Variants in CAMK1D observed in about 807,000 individuals in gnomAD.
The protein encoded by CAMK1D is calcium/calmodulin dependent protein kinase ID.
CAMK1D carries 9 observed loss-of-function variants against 47.7 expected under a neutral mutation model. That is an observed-to-expected ratio of 0.19 (90% confidence interval 0.11 to 0.33). CAMK1D has a LOEUF of 0.33. CAMK1D is among the 10% of genes least tolerant of loss of function. CAMK1D has a pLI of 1.00. For missense variants in CAMK1D, 291 were observed against 488.7 expected (o/e 0.60, Z 3.81); for synonymous variants, 184 against 184.9 (o/e 0.99, Z 0.04).
chr10:12,565,368 C>T, intron 2 of CAMK1D, among the ~76,000 whole-genome samples: 1 of 152,232 alleles, frequency 6.6e-6, no homozygotes, highest in Non-Finnish European at 1.5e-5. Flanking sequence ...ATTCTCCTGC[C>T]TCAGCCTCCC....
chr10:12,622,825 C>G (rs1358075807), intron 2 of CAMK1D, among the ~76,000 whole-genome samples: 1 of 151,898 alleles, frequency 6.6e-6, no homozygotes, highest in Non-Finnish European at 1.5e-5. Context: ...CCTGAAATAG[C>G]CTGAGTAGAG....
chr10:12,696,577 C>A (rs568609827), intron 3 of CAMK1D, among the ~76,000 whole-genome samples: 1 of 152,116 alleles, frequency 6.6e-6, no homozygotes, highest in Admixed American at 6.6e-5. Context: ...TCCCAAGACT[C>A]GGAATGCTTT....
At chr10:12,604,443 C>T (rs947750304) in intron 2 of CAMK1D, among the ~76,000 whole-genome samples, 3 of 152,116 alleles carry the variant, frequency 2.0e-5, no homozygotes, top group Admixed American at 6.5e-5. Context: ...AGTGTTTGGC[C>T]GTGTTGGCCC....
rs146403154 is a variant in CAMK1D, at chr10:12,666,536, A to G, written c.225-200A>G. Among the ~76,000 whole-genome samples, 204 of 152,322 alleles carry G rather than the reference A, an allele frequency of 1.3e-3. 1 individual carries two copies. Among genetic ancestry groups the G allele is most frequent in the Middle Eastern group, 6.8e-3 (2 of 294 alleles). On this transcript the variant is annotated intron_variant, in intron 2 of 10. Transcript: ENST00000619168. ...AACTGTAGGGTATTGAGCCTTAGGA[A>G]CGAAGAGGAATGGAGATCAGGGAAG... is the stretch of plus-strand genomic sequence containing the variant.
At chr10:12,562,255 C>T (rs1019544697) in intron 2 of CAMK1D, among the ~76,000 whole-genome samples, 1 of 152,114 alleles carries the variant, frequency 6.6e-6, no homozygotes, top group East Asian at 1.9e-4. Context: ...CCCCTTAAAA[C>T]AACCTGCTCT....
chr10:12,480,489 A>G (rs935160813), intron 1 of CAMK1D, among the ~76,000 whole-genome samples: 2 of 152,190 alleles, frequency 1.3e-5, no homozygotes, highest in Admixed American at 6.5e-5. Flanking sequence ...ACAAAATCCT[A>G]TAGAGCCATT....
chr10:12,532,184 T>G (rs889506543), intron 1 of CAMK1D, among the ~76,000 whole-genome samples: 1 of 152,200 alleles, frequency 6.6e-6, no homozygotes, highest in African/African-American at 2.4e-5. Flanking sequence ...TAATTTACAA[T>G]GTATAATTTT....
rs146525741 is a variant in CAMK1D, at chr10:12,363,539, T to C, written c.92+13629T>C. Reference sequence around the variant, plus strand: ...TCTCTCATGTACTTTAAATCATCTCTAGATTACTTGTAATACCCAATACAA... The same window carrying C: ...TCTCTCATGTACTTTAAATCATCTCCAGATTACTTGTAATACCCAATACAA... On this transcript the variant is annotated intron_variant, in intron 1 of 10. Transcript: ENST00000619168. Among the ~76,000 whole-genome samples the C allele has an allele frequency of 3.8e-3, 572 of 152,316 alleles. 5 individuals carry two copies. The highest frequency in any genetic ancestry group is 0.013 in the African/African-American group (544 of 41,566).
At chr10:12,744,575 C>T in intron 3 of CAMK1D, among the ~76,000 whole-genome samples, 1 of 152,092 alleles carries the variant, frequency 6.6e-6, no homozygotes. Context: ...AAAAAACACA[C>T]TGGCAACAAA....
At chr10:12,483,400 T>C (rs1287185665) in intron 1 of CAMK1D, among the ~76,000 whole-genome samples, 3 of 152,120 alleles carry the variant, frequency 2.0e-5, no homozygotes, top group Non-Finnish European at 4.4e-5. Context: ...AGGGTCTTGC[T>C]GTGTTGCCCA....
At chr10:12,682,494 C>T (rs1832482778) in intron 3 of CAMK1D, among the ~76,000 whole-genome samples, 1 of 152,156 alleles carries the variant, frequency 6.6e-6, no homozygotes, top group Non-Finnish European at 1.5e-5. Flanking sequence ...GGCTGAACTA[C>T]TTATATACTT....
Position 12,751,128 on chromosome 10 carries a change from A to AAGATAAGATAAGAT in CAMK1D, c.300-9820_300-9819insAGATAAGATAAGAT, listed in dbSNP as rs1564535604. Among the ~76,000 whole-genome samples the AAGATAAGATAAGAT allele has an allele frequency of 1.0e-4, 15 of 145,172 alleles. No individual in the cohort carries two copies. In the East Asian group the frequency reaches 2.3e-3, roughly 22 times the overall value. ...TAAGATAAGATAAGATAAGATAAGAAGGCTTCAGAAGGCTTCTTTCGTGAG... is the reference window on the plus strand; with the variant it reads ...TAAGATAAGATAAGATAAGATAAGAAAGATAAGATAAGATGGCTTCAGAAGGCTTCTTTCGTGAG... On this transcript the variant is annotated intron_variant, in intron 3 of 10. Coordinates refer to ENST00000619168, the MANE Select transcript of CAMK1D (RefSeq NM_153498.4).
chr10:12,686,135 C>T (rs1290126814), intron 3 of CAMK1D, among the ~76,000 whole-genome samples: 2 of 152,132 alleles, frequency 1.3e-5, no homozygotes, highest in Non-Finnish European at 2.9e-5. Flanking sequence ...TTGCTGCTCA[C>T]TTTAGCCTGT....
chr10:12,417,990 C>T (rs1347628314), intron 1 of CAMK1D, among the ~76,000 whole-genome samples: 1 of 152,030 alleles, frequency 6.6e-6, no homozygotes, highest in African/African-American at 2.4e-5. Context: ...TTAGTAGAGA[C>T]GAGGTTTCAC....
intron 2 of CAMK1D, among the ~76,000 whole-genome samples, chr10:12,652,001 T>G (rs369235730): frequency 0.013 from 1,928 of 150,780 alleles, 40 homozygotes; most frequent in South Asian, 0.12. Context: ...GGATGGCCTC[T>G]ATCTCCTGAC....
chr10:12,402,356 A>T (rs569430728), intron 1 of CAMK1D, among the ~76,000 whole-genome samples: 2 of 150,854 alleles, frequency 1.3e-5, no homozygotes, highest in South Asian at 4.2e-4. Flanking sequence ...ACCTCAGCCT[A>T]CTGGGTAGCT....
intron 1 of CAMK1D, among the ~76,000 whole-genome samples, chr10:12,384,723 T>G (rs531604639): frequency 6.6e-5 from 10 of 152,276 alleles, no homozygotes; most frequent in African/African-American, 2.4e-4. Flanking sequence ...GAACTAAAAC[T>G]ATAAAACTCT....
At chr10:12,368,838 G>A (rs1233996192) in intron 1 of CAMK1D, among the ~76,000 whole-genome samples, 1 of 151,892 alleles carries the variant, frequency 6.6e-6, no homozygotes. Flanking sequence ...TTTATTTTGA[G>A]ATGGAGTCTT....
intron 1 of CAMK1D, among the ~76,000 whole-genome samples, chr10:12,519,030 G>C (rs1444199111): frequency 8.8e-6 from 1 of 113,538 alleles, no homozygotes; most frequent in African/African-American, 3.3e-5. Flanking sequence ...GTGGTGGCCG[G>C]GCAGAGGGGC....
Sources: allele counts gnomAD v4.1 joint callset (sites outside exome capture counted in the v4.1 genomes callset), GRCh38; gene constraint gnomAD v4.1.1; transcripts MANE v1.5; gene names NCBI Gene and HGNC (gene_info 2026-07-23, HGNC 2026-07-21).